The following PRKN variants were observed in gnomAD, a reference collection of about 807,000 sequenced individuals.
The protein encoded by PRKN is parkin RBR E3 ubiquitin protein ligase.
In PRKN, 56 loss-of-function variants were observed where a neutral mutation model predicts 59.5. The ratio of observed to expected loss-of-function variants is 0.94; its 90% CI spans 0.76 to 1.18. The LOEUF (loss-of-function observed/expected upper bound fraction) is 1.18, where lower values mean the gene tolerates loss of function less well. PRKN is among the 50% of genes most tolerant of loss of function. The pLI, the probability that PRKN is intolerant of heterozygous loss-of-function variation, is 0.00. For synonymous variants in PRKN, 250 were observed against 222.1 expected, an observed-to-expected ratio of 1.13 and a Z score of -1.12; for missense variants, 657 against 596.4, an observed-to-expected ratio of 1.10 and a Z score of -1.06.
At chr6:162,186,839 T>C (rs1464999481) in intron 4 of PRKN, among the ~76,000 whole-genome samples, 1 of 152,226 alleles carries the variant, frequency 6.6e-6, no homozygotes, top group Non-Finnish European at 1.5e-5. Flanking sequence ...TCCTGAGGTC[T>C]CTGTAGAAGC....
intron 10 of PRKN, among the ~76,000 whole-genome samples, chr6:161,370,996 C>T (rs947928830): frequency 1.3e-5 from 2 of 152,152 alleles, no homozygotes; most frequent in African/African-American, 4.8e-5. Flanking sequence ...GTGAGCAGCC[C>T]GCCTCCTGCT....
chr6:161,638,123 TG>T (rs1250772584), intron 7 of PRKN, among the ~76,000 whole-genome samples: 1 of 151,806 alleles, frequency 6.6e-6, no homozygotes, highest in East Asian at 1.9e-4. Flanking sequence ...CAGTCTGCAG[TG>T]ATATTCACCC....
chr6:161,757,892 C>T (rs909060078), intron 7 of PRKN, among the ~76,000 whole-genome samples: 10,997 of 36,288 alleles, frequency 0.3, 887 homozygotes, highest in African/African-American at 0.38. Context: ...TATATACACA[C>T]ACACACACAC....
intron 2 of PRKN, among the ~76,000 whole-genome samples, chr6:162,291,965 T>A (rs867467134): frequency 7.8e-6 from 1 of 128,708 alleles, no homozygotes; most frequent in African/African-American, 3.3e-5. Flanking sequence ...ATTATTGTTT[T>A]TTTTTTTTTT....
chr6:161,678,800 C>T (rs1383260748), intron 7 of PRKN, among the ~76,000 whole-genome samples: 1 of 152,134 alleles, frequency 6.6e-6, no homozygotes, highest in Non-Finnish European at 1.5e-5. Context: ...CTCCTGAGCT[C>T]AGGCAATCCA....
chr6:162,086,863 A>T (rs1051848440), intron 4 of PRKN, among the ~76,000 whole-genome samples: 3 of 152,230 alleles, frequency 2.0e-5, no homozygotes, highest in African/African-American at 7.2e-5. Flanking sequence ...TCCAGTGACT[A>T]GTCTACTGCC....
At chr6:162,180,372 T>C (rs1299840759) in intron 4 of PRKN, among the ~76,000 whole-genome samples, 5 of 152,142 alleles carry the variant, frequency 3.3e-5, no homozygotes, top group Non-Finnish European at 1.5e-5. Flanking sequence ...TTATTTCACA[T>C]TGCATGCCTG....
In PRKN at chr6:161,379,428, T is replaced by C. The variant is rs965287682; in HGVS notation, c.1167+7366A>G. Reference sequence around the variant, plus strand: ...TGCTAACCTTCCATTTGTACATTTCTCCAGTCTCTCTCATTCCACAAGCAA... The same window carrying C: ...TGCTAACCTTCCATTTGTACATTTCCCCAGTCTCTCTCATTCCACAAGCAA... On this transcript the variant is annotated intron_variant, in intron 10 of 11. Coordinates refer to ENST00000366898, the MANE Select transcript of PRKN (RefSeq NM_004562.3). The surrounding 1 kb of genome is among the most constrained non-coding windows in gnomAD (Gnocchi z 4.9). 6.6e-6 allele frequency among the ~76,000 whole-genome samples: 1 copy of C among 152,208 alleles called. No individual in the cohort carries two copies. Among genetic ancestry groups the C allele is most frequent in the Non-Finnish European group, 1.5e-5 (1 of 68,032 alleles).
intron 2 of PRKN, among the ~76,000 whole-genome samples, chr6:162,264,218 A>C (rs895433630): frequency 6.6e-6 from 1 of 152,166 alleles, no homozygotes; most frequent in Admixed American, 6.6e-5. Flanking sequence ...CGAAGGTTGG[A>C]GTGAGCCAAG....
chr6:162,172,931 G>A (rs1783356251), intron 4 of PRKN, among the ~76,000 whole-genome samples: 1 of 152,172 alleles, frequency 6.6e-6, no homozygotes, highest in Admixed American at 6.5e-5. Flanking sequence ...GTGTGGGAGT[G>A]TAGAGTGCAA....
rs111909057 is a variant in PRKN at position 162,169,691 on chromosome 6, C to T, written c.534+31440G>A. Among the ~76,000 whole-genome samples the T allele has an allele frequency of 4.5e-3, 683 of 152,302 alleles. 6 individuals carry two copies. The highest frequency in any genetic ancestry group is 0.016 in the African/African-American group (660 of 41,572). On this transcript the variant is annotated intron_variant, in intron 4 of 11. Coordinates refer to ENST00000366898, the MANE Select transcript of PRKN (RefSeq NM_004562.3). ...ACTGTTCATCTACTAATACATTAGC[C>T]TTAAGGCATGTGCCACTTTTAGTGA...
chr6:161,775,012 A>T (rs1171495507), intron 7 of PRKN, among the ~76,000 whole-genome samples: 1 of 152,020 alleles, frequency 6.6e-6, no homozygotes, highest in Non-Finnish European at 1.5e-5. Flanking sequence ...CACAGTGGCA[A>T]TTATAATTAT....
chr6:161,897,407 C>T (rs1455699998), intron 6 of PRKN, among the ~76,000 whole-genome samples: 1 of 152,122 alleles, frequency 6.6e-6, no homozygotes, highest in African/African-American at 2.4e-5. Context: ...TTCAAGACTC[C>T]AAAAGGTCTA....
intron 7 of PRKN, among the ~76,000 whole-genome samples, chr6:161,598,569 C>G (rs1265992597): frequency 6.6e-6 from 1 of 152,148 alleles, no homozygotes; most frequent in Non-Finnish European, 1.5e-5. Flanking sequence ...CATATACACG[C>G]ATATGATTTC....
chr6:162,288,506 C>G (rs1781293137), intron 2 of PRKN, among the ~76,000 whole-genome samples: 1 of 152,134 alleles, frequency 6.6e-6, no homozygotes, highest in African/African-American at 2.4e-5. Flanking sequence ...TGCAAGTGAG[C>G]TCCATGAAAC....
intron 7 of PRKN, among the ~76,000 whole-genome samples, chr6:161,736,313 G>A (rs1435751809): frequency 6.6e-6 from 1 of 152,200 alleles, no homozygotes; most frequent in East Asian, 1.9e-4. Flanking sequence ...GGCAAATTAT[G>A]TAACCTCTCT....
chr6:161,894,599 C>G (rs1053836740), intron 6 of PRKN, among the ~76,000 whole-genome samples: 1 of 152,154 alleles, frequency 6.6e-6, no homozygotes, highest in East Asian at 1.9e-4. Flanking sequence ...TCATGCATTT[C>G]TCCATGTCTG....
At chr6:162,376,271 T>C (rs1786073080) in intron 2 of PRKN, among the ~76,000 whole-genome samples, 1 of 152,012 alleles carries the variant, frequency 6.6e-6, no homozygotes, top group Non-Finnish European at 1.5e-5. Flanking sequence ...CATCCTAGAA[T>C]ACGCTGAATT....
At chr6:161,802,393 T>A (rs1272810844) in intron 6 of PRKN, among the ~76,000 whole-genome samples, 1 of 150,230 alleles carries the variant, frequency 6.7e-6, no homozygotes, top group Admixed American at 6.6e-5. Context: ...AGGCCCCACA[T>A]ATGACACACA....
Sources: allele counts gnomAD v4.1 joint callset (sites outside exome capture counted in the v4.1 genomes callset), GRCh38; gene constraint gnomAD v4.1.1; non-coding constraint Gnocchi (gnomAD v3.1); transcripts MANE v1.5; gene names NCBI Gene and HGNC (gene_info 2026-07-23, HGNC 2026-07-21).